The following ANKRD36C variants were observed in gnomAD, a reference collection of about 807,000 sequenced individuals.
The protein encoded by ANKRD36C is ankyrin repeat domain 36C.
In ANKRD36C, 61 loss-of-function variants were observed where a neutral mutation model predicts 276.4. The ratio of observed to expected loss-of-function variants is 0.22; its 90% CI spans 0.18 to 0.27. The LOEUF (loss-of-function observed/expected upper bound fraction) is 0.27, where lower values mean the gene tolerates loss of function less well. ANKRD36C is among the 10% of genes least tolerant of loss of function. The pLI, the probability that ANKRD36C is intolerant of heterozygous loss-of-function variation, is 1.00. For synonymous variants in ANKRD36C, 483 were observed against 680.1 expected (o/e 0.71, Z 4.51); for missense variants, 1,447 against 2,032.3 (o/e 0.71, Z 5.54).
rs1262265756 is a variant in ANKRD36C, at chr2:95,958,672, G to T, written c.1033-9C>A. ...TTCTTGTCACTTGTATCCTGAATGG[G>T]ATTTCAAACAAAATAATCAATACCT... On this transcript the variant is annotated splice_polypyrimidine_tract_variant and intron_variant, in intron 11 of 66. Transcript: ENST00000456556. 4 of 1,549,858 alleles carry T rather than the reference G, an allele frequency of 2.6e-6. No individual in the cohort carries two copies. The Admixed American group carries it at 7.7e-5, about 30-fold the overall frequency.
At chr2:95,979,378 C>T (rs1403713514) in intron 5 of ANKRD36C, among the ~76,000 whole-genome samples, 1 of 152,020 alleles carries the variant, frequency 6.6e-6, no homozygotes. Context: ...CTAACTTTTA[C>T]ATATAACTGC....
At chr2:95,908,772 G>C (rs554584241) in intron 42 of ANKRD36C, 75 bp from the exon 47 acceptor site, 3 of 1,528,538 alleles carry the variant, frequency 2.0e-6, no homozygotes, top group African/African-American at 2.8e-5. Flanking sequence ...TGCAGTGTTA[G>C]CATCAACCTC....
In ANKRD36C at chr2:95,889,879, G is replaced by T. The variant is rs757596878; in HGVS notation, c.2887-8C>A. On this transcript the variant is annotated splice_polypyrimidine_tract_variant and splice_region_variant and intron_variant, in intron 47 of 66. Coordinates refer to ENST00000456556, the Ensembl canonical transcript of ANKRD36C. ...TTCCTTGTCACTTGTAGCCTGAATG[G>T]AATTTGAAACACAACAGTCAATAAA... 6.2e-7 allele frequency: 1 copy of T among 1,606,390 alleles called. No individual in the cohort carries two copies. Among genetic ancestry groups the T allele is most frequent in the Non-Finnish European group, 8.5e-7 (1 of 1,175,588 alleles).
At chr2:95,854,318 T>G (rs1675360022) in intron 63 of ANKRD36C, among the ~76,000 whole-genome samples, 1 of 150,770 alleles carries the variant, frequency 6.6e-6, no homozygotes, top group African/African-American at 2.4e-5. Context: ...AAAATTCCAG[T>G]GGCCTTAGAT....
At chr2:95,986,836 G>A in exon 3 of ANKRD36C, 1 of 1,611,940 alleles carries the variant, frequency 6.2e-7, no homozygotes, top group Non-Finnish European at 8.5e-7. Context: ...GTAGTGCAGA[G>A]CAGTCCTTCC....
intron 44 of ANKRD36C, among the ~76,000 whole-genome samples, chr2:95,895,163 A>G (rs898213676): frequency 3.4e-5 from 5 of 148,992 alleles, no homozygotes; most frequent in Admixed American, 2.7e-4. Context: ...TATGTCTTCA[A>G]CTGCTCTCCA....
intron 8 of ANKRD36C, among the ~76,000 whole-genome samples, chr2:95,961,340 T>C (rs1273161706): frequency 1.3e-5 from 2 of 152,076 alleles, no homozygotes; most frequent in African/African-American, 4.8e-5. Context: ...CAAGAAAGTA[T>C]AATATATAAA....
chr2:95,879,756 T>C (rs1161443576), intron 58 of ANKRD36C, among the ~76,000 whole-genome samples: 2 of 151,998 alleles, frequency 1.3e-5, no homozygotes, highest in Non-Finnish European at 1.5e-5. Flanking sequence ...ATAATTTTAA[T>C]TGACTTTTAA....
intron 6 of ANKRD36C, among the ~76,000 whole-genome samples, chr2:95,964,242 C>T (rs1000370178): frequency 4.0e-5 from 6 of 150,312 alleles, no homozygotes; most frequent in Admixed American, 6.7e-5. Flanking sequence ...CTGATGTGAA[C>T]GAAGCACATA....
At chr2:95,872,717 T>C (rs1263593875) in intron 59 of ANKRD36C, among the ~76,000 whole-genome samples, 1 of 151,948 alleles carries the variant, frequency 6.6e-6, no homozygotes, top group Non-Finnish European at 1.5e-5. Flanking sequence ...AAAAAATTAA[T>C]GAATCCAGGA....
At chr2:95,972,851 T>C (rs1287010162) in intron 6 of ANKRD36C, among the ~76,000 whole-genome samples, 1 of 152,022 alleles carries the variant, frequency 6.6e-6, no homozygotes, top group African/African-American at 2.4e-5. Flanking sequence ...TTTGAGAATA[T>C]GGATGATTAA....
At chr2:95,908,151 T>G (rs1425725293) in intron 42 of ANKRD36C, among the ~76,000 whole-genome samples, 2 of 149,974 alleles carry the variant, frequency 1.3e-5, no homozygotes, top group Admixed American at 6.7e-5. Context: ...GGCAGTACGA[T>G]CTGAAGTGTG....
chr2:95,917,991 A>G, intron 35 of ANKRD36C, 23 bp downstream of exon 37: 1 of 1,599,446 alleles, frequency 6.3e-7, no homozygotes, highest in Non-Finnish European at 8.5e-7. Flanking sequence ...CATAGAATAC[A>G]ATGTAAATGA....
rs530323507 is a variant in ANKRD36C at position 95,916,086 on chromosome 2, G to A, written c.2377-34C>T. 6 of 1,601,366 alleles carry A rather than the reference G, an allele frequency of 3.7e-6. No individual in the cohort carries two copies. The Admixed American group carries it at 5.1e-5, about 14-fold the overall frequency. On this transcript the variant is annotated intron_variant, in intron 37 of 66. Transcript: ENST00000456556. ...AATTTGAAACAAAATAATAAATAAG[G>A]TATGTTTCATAGGCTATACGTTTAC...
chr2:95,927,418 CA>C lies in ANKRD36C; in HGVS notation c.1838-10del. On this transcript the variant is annotated splice_polypyrimidine_tract_variant and intron_variant, in intron 26 of 66. Coordinates refer to ENST00000456556, the Ensembl canonical transcript of ANKRD36C. ...TTGTTTCTGAGAAGACACTGAAAAG[CA>C]AAAGGGATACATAATCACTCACATG... The C allele has an allele frequency of 6.2e-7, 1 of 1,605,786 alleles. No homozygotes were observed. The highest frequency in any genetic ancestry group is 8.5e-7 in the Non-Finnish European group (1 of 1,177,562).
chr2:95,923,567 C>T, exon 32 of ANKRD36C: 1 of 1,610,082 alleles, frequency 6.2e-7, no homozygotes, highest in Non-Finnish European at 8.5e-7. Context: ...TCACTTGTAG[C>T]CTGAAAGTAA....
chr2:95,912,205 T>C (rs948692522), intron 42 of ANKRD36C, 39 bp downstream of exon 44: 12 of 1,541,778 alleles, frequency 7.8e-6, no homozygotes, highest in Admixed American at 2.0e-5. Flanking sequence ...ACTTCTTATC[T>C]GGACTGCACA....
At chr2:95,953,595 T>C (rs1371936766) in intron 14 of ANKRD36C, among the ~76,000 whole-genome samples, 1 of 152,148 alleles carries the variant, frequency 6.6e-6, no homozygotes, top group Non-Finnish European at 1.5e-5. Context: ...ACTCATATGA[T>C]ATACAACTCA....
At position 95,910,286 on chromosome 2, in the gene ANKRD36C, C is replaced by G. The variant is rs1017264217; in HGVS notation, c.2653+1958G>C. Reference sequence around the variant, plus strand: ...CCTGCTGAATCAGAAAGTGCAGCTTCGACGAGCCACCCGCTGCTTTATTTG... The same window carrying G: ...CCTGCTGAATCAGAAAGTGCAGCTTGGACGAGCCACCCGCTGCTTTATTTG... On this transcript the variant is annotated intron_variant, in intron 42 of 66. Coordinates refer to ENST00000456556, the Ensembl canonical transcript of ANKRD36C. The G allele has an allele frequency of 8.6e-6, 12 of 1,392,168 alleles. No individual in the cohort carries two copies. The African/African-American group carries it at 1.2e-4, about 14-fold the overall frequency. 86.2% of individuals were successfully genotyped at this position (1,392,168 alleles called of 1,614,324 possible). A position where few individuals can be genotyped will look rare whatever the true frequency, so the allele number is the denominator to read the frequency against.
Sources: allele counts gnomAD v4.1 joint callset (sites outside exome capture counted in the v4.1 genomes callset), GRCh38; gene constraint gnomAD v4.1.1; transcripts MANE v1.5; gene names NCBI Gene and HGNC (gene_info 2026-07-23, HGNC 2026-07-21).